KRT10: variants seen among roughly 807,000 people sequenced by gnomAD.
KRT10 encodes keratin 10, also known as keratin, type I cytoskeletal 10.
In KRT10, 40 loss-of-function variants were observed where a neutral mutation model predicts 59.2. The observed-to-expected ratio is 0.68, with a 90% CI of 0.52 to 0.88. The LOEUF is 0.88. Among genes scored for constraint, KRT10 ranks in the 40% least tolerant of loss-of-function variants. KRT10 has a pLI of 0.00. For missense variants in KRT10, 719 were observed against 749.1 expected, an observed-to-expected ratio of 0.96 and a Z score of 0.47; for synonymous variants, 336 against 310.7, an observed-to-expected ratio of 1.08 and a Z score of -0.86.
Position 40,819,742 on chromosome 17 carries a change from G to A in KRT10, c.1156-8C>T. 3 of 1,612,896 alleles carry A rather than the reference G, an allele frequency of 1.9e-6. No homozygotes were observed. Among genetic ancestry groups the A allele is most frequent in the Non-Finnish European group, 2.5e-6 (3 of 1,178,884 alleles). On this transcript the variant is annotated splice_region_variant and splice_polypyrimidine_tract_variant and intron_variant, in intron 5 of 7. Coordinates refer to ENST00000269576, the MANE Select transcript of KRT10 (RefSeq NM_000421.5). ...GGCTTCCAGGGATTGTTTCTGAAACGGATTTTTTTGTGGCTTAGTGACTTC... is the reference window on the plus strand; with the variant it reads ...GGCTTCCAGGGATTGTTTCTGAAACAGATTTTTTTGTGGCTTAGTGACTTC...
Position 40,818,830 on chromosome 17 carries a change from A to G in KRT10, c.1705T>C (p.Ser569Pro), listed in dbSNP as rs1259166661. The change falls in exon 7 of 8, where the codon TCC (serine) becomes CCC (proline). Residue 569 changes from serine to proline, a missense_variant. Transcript: ENST00000269576. ...GGSSSGGHKS[S>P]SSGSVGESSS... Reference sequence around the variant, plus strand: ...GACTCGCCCACGGACCCGGAAGAGGAGGACTTGTGGCCTCCGCTGGAGCTG... The same window carrying G: ...GACTCGCCCACGGACCCGGAAGAGGGGGACTTGTGGCCTCCGCTGGAGCTG... 8.2e-7 allele frequency: 1 copy of G among 1,217,334 alleles called. No homozygotes were observed. The highest frequency in any genetic ancestry group is 1.1e-6 in the Non-Finnish European group (1 of 901,966). 75.4% of individuals were successfully genotyped at this position (1,217,334 alleles called of 1,614,324 possible).
chr17:40,821,200 T>C lies in KRT10; in HGVS notation c.628-83A>G, dbSNP rs796405007. On this transcript the variant is annotated intron_variant, in intron 1 of 7. Coordinates refer to ENST00000269576, the MANE Select transcript of KRT10 (RefSeq NM_000421.5). ...GTGACATAGATGCACTCTGCACTTT[T>C]ATGTTGTTCTCTTACAAAATCTTGG... 80 of 991,208 alleles carry C rather than the reference T, an allele frequency of 8.1e-5. No homozygotes were observed. The African/African-American group carries it at 1.2e-3, about 15-fold the overall frequency. The allele number at this position is 991,208 out of a possible 1,614,324, so 61.4% of individuals were successfully genotyped here.
chr17:40,819,938 T>A, intron 5 of KRT10, 111 bp downstream of exon 5: 1 of 1,389,670 alleles, frequency 7.2e-7, no homozygotes, highest in African/African-American at 1.4e-5. Flanking sequence ...CTTCACTTTG[T>A]TTTCTCTTTC....
rs771762056 is a variant in KRT10, at chr17:40,818,921, G to C, written c.1614C>G (p.Gly538=). The change falls in exon 7 of 8, where the codon GGC becomes GGG. Residue 538 remains glycine, a synonymous_variant. Coordinates refer to ENST00000269576, the MANE Select transcript of KRT10 (RefSeq NM_000421.5). ...GGYGGGSSGG[G]GGGYGGGSSG... The stretch of plus-strand genomic sequence containing the variant: ...AGCTGCCGCCCCCGTAGCCGCCGCC[G>C]CCGCCGCCGGAACTGCCACCACCGT... 4 of 1,398,824 alleles carry C rather than the reference G, an allele frequency of 2.9e-6. No individual in the cohort carries two copies. The highest frequency in any genetic ancestry group is 1.5e-5 in the South Asian group (1 of 68,352). 86.7% of individuals were successfully genotyped at this position (1,398,824 alleles called of 1,614,324 possible). A position where few individuals can be genotyped will look rare whatever the true frequency, so the allele number is the denominator to read the frequency against.
Position 40,819,639 on chromosome 17 carries a change from C to G in KRT10, c.1251G>C (p.Gln417His). Residue 417 changes from glutamine (Q) to histidine (H), a missense_variant, in exon 6 of 8, where the codon CAG (glutamine) becomes CAC (histidine). Gln to His is a conservative substitution (Grantham distance 24). Transcript: ENST00000269576. ...CGGTTTCAGCTCGAATCTGTTGCAACTGTTCTTCCAGAGCGGATATCTGGG... is the reference window on the plus strand; with the variant it reads ...CGGTTTCAGCTCGAATCTGTTGCAAGTGTTCTTCCAGAGCGGATATCTGGG... ...IQAQISALEE[Q>H]LQQIRAETEC... 1 of 1,614,190 alleles carries G rather than the reference C, an allele frequency of 6.2e-7. No homozygotes were observed. The highest frequency in any genetic ancestry group is 8.5e-7 in the Non-Finnish European group (1 of 1,180,014).
chr17:40,819,637 A>G lies in KRT10; in HGVS notation c.1253T>C (p.Leu418Ser). 6.2e-7 allele frequency: 1 copy of G among 1,614,156 alleles called. No homozygotes were observed. The highest frequency in any genetic ancestry group is 8.5e-7 in the Non-Finnish European group (1 of 1,180,016). The stretch of plus-strand genomic sequence containing the variant: ...CTCGGTTTCAGCTCGAATCTGTTGC[A>G]ACTGTTCTTCCAGAGCGGATATCTG... ...QAQISALEEQLQQIRAETECQ... is the reference protein window; with the variant it reads ...QAQISALEEQSQQIRAETECQ... Residue 418 changes from leucine (L) to serine (S), a missense_variant, in exon 6 of 8, where the codon TTG becomes TCG. This residue lies in a region of KRT10 where 315 missense variants were observed against 270.6 expected (regional missense o/e 1.16). Transcript: ENST00000269576.
intron 5 of KRT10, 104 bp from the exon 6 acceptor site, chr17:40,819,838 G>T: frequency 1.7e-6 from 2 of 1,184,922 alleles, no homozygotes; most frequent in South Asian, 2.5e-5. Flanking sequence ...ATAAGAAAAT[G>T]AACAGAATTT....
Position 40,821,092 on chromosome 17 carries a change from G to A in KRT10, c.653C>T (p.Ala218Val), listed in dbSNP as rs200239146. 4.7e-5 allele frequency: 76 copies of A among 1,613,894 alleles called. No individual in the cohort carries two copies. In the East Asian group the frequency reaches 1.5e-3, roughly 33 times the overall value. ...NQILNLTTDN[A>V]NILLQIDNAR... is the part of the protein sequence containing the mutation. ...ATTGTCGATCTGAAGCAGGATGTTG[G>A]CATTATCAGTTGTTAGGTTGAGAAT... The change falls in exon 2 of 8, where the codon GCC becomes GTC. Residue 218 changes from alanine (A) to valine (V), a missense_variant. Ala to Val is a moderately conservative substitution (Grantham distance 64). Transcript: ENST00000269576.
chr17:40,822,272 C>T lies in KRT10; in HGVS notation c.314G>A (p.Gly105Asp). The T allele has an allele frequency of 6.2e-7, 1 of 1,602,218 alleles. No homozygotes were observed. Among genetic ancestry groups the T allele is most frequent in the Non-Finnish European group, 8.5e-7 (1 of 1,171,482 alleles). ...ACCAAAGCTGCCACCTCCGAAACTG[C>T]CCCCTCCAAAGATGCCTCCATAACT... ...GGSYGGIFGG[G>D]SFGGGSFGGG... Residue 105 changes from glycine (G) to aspartate (D), a missense_variant, in exon 1 of 8, where the codon GGC becomes GAC. Transcript: ENST00000269576.
Position 40,819,010 on chromosome 17 carries a change from AG to A in KRT10, c.1524del (p.Ser509ProfsTer110). ...CTTCCGCCCCCGTAGCCGCCGCCGG[AG>A]CTTCCGCCGCCGGAGCTTCCGCCTC... ...GYGGGSSGGG[S>X]SGGGYGGGSS... On this transcript the variant is annotated frameshift_variant, in exon 7 of 8. Transcript: ENST00000269576. LOFTEE classifies it high-confidence loss of function. The A allele has an allele frequency of 1.6e-6, 2 of 1,245,814 alleles. No individual in the cohort carries two copies. Among genetic ancestry groups the A allele is most frequent in the East Asian group, 9.1e-5 (2 of 22,030 alleles). 77.2% of individuals were successfully genotyped at this position (1,245,814 alleles called of 1,614,324 possible).
rs755977583 is a variant in KRT10 at position 40,821,964 on chromosome 17, T to A, written c.622A>T (p.Asn208Tyr). 14 of 1,613,932 alleles carry A rather than the reference T, an allele frequency of 8.7e-6. 1 individual carries two copies. In the South Asian group the frequency reaches 1.5e-4, roughly 18 times the overall value. ...KYYKTIDDLK[N>Y]QILNLTTDNA... is the part of the protein sequence containing the mutation. ...GATTTAAAAATACCTCTTACCTGAT[T>A]TTTAAGGTCATCGATGGTTTTGTAG... Residue 208 changes from asparagine to tyrosine, a missense_variant, in exon 1 of 8, where the codon AAT becomes TAT. Physicochemically the swap from Asn to Tyr is moderately radical, Grantham distance 143. Around this residue, in one of 4 missense-constraint regions of KRT10, gnomAD observed 221 missense variants for 277.8 expected, o/e 0.80. Coordinates refer to ENST00000269576, the MANE Select transcript of KRT10 (RefSeq NM_000421.5).
intron 5 of KRT10, 58 bp from the exon 6 acceptor site, chr17:40,819,792 C>T (rs1905263656): frequency 1.4e-6 from 2 of 1,415,304 alleles, no homozygotes; most frequent in African/African-American, 1.4e-5. Context: ...TATGGTGACG[C>T]TTATTTGATT....
Position 40,822,537 on chromosome 17 carries a change from C to CACT in KRT10, c.46_48dup (p.Ser16dup). Reference sequence around the variant, plus strand: ...CATCCTCCTCCTCCTCCTCCTCCTCCACTGCGGGAGGAAGAGTAGTGCTTG... The same window carrying CACT: ...CATCCTCCTCCTCCTCCTCCTCCTCCACTACTGCGGGAGGAAGAGTAGTGCTTG... On this transcript the variant is annotated inframe_insertion, in exon 1 of 8. Coordinates refer to ENST00000269576, the MANE Select transcript of KRT10 (RefSeq NM_000421.5). The CACT allele has an allele frequency of 6.2e-7, 1 of 1,608,060 alleles. No individual in the cohort carries two copies. Among genetic ancestry groups the CACT allele is most frequent in the Admixed American group, 1.7e-5 (1 of 60,000 alleles).
chr17:40,820,918 A>G (rs765957777), intron 2 of KRT10, 117 bp downstream of exon 2: 26 of 961,850 alleles, frequency 2.7e-5, no homozygotes, highest in Non-Finnish European at 3.3e-5. Flanking sequence ...CTCCAATACT[A>G]TTTAACTTTG....
chr17:40,820,055 C>T lies in KRT10; in HGVS notation c.1149G>A (p.Leu383=), dbSNP rs760198943. The T allele has an allele frequency of 1.9e-6, 3 of 1,612,644 alleles. No homozygotes were observed. The Admixed American group carries it at 5.0e-5, about 27-fold the overall frequency. Residue 383 remains leucine, a synonymous_variant, in exon 5 of 8, where the codon CTG becomes CTA. Coordinates refer to ENST00000269576, the MANE Select transcript of KRT10 (RefSeq NM_000421.5). The stretch of plus-strand genomic sequence containing the variant: ...TTCATGAGAGTTAACATACCAAGGC[C>T]AGTTGGGACTGTAGTTCTATCTCCA... ...QALEIELQSQ[L]ALKQSLEASL...
chr17:40,818,355 A>T lies in KRT10; in HGVS notation c.*121T>A. On this transcript the variant is annotated 3_prime_UTR_variant, in exon 8 of 8. Coordinates refer to ENST00000269576, the MANE Select transcript of KRT10 (RefSeq NM_000421.5). ...TAAATAATGGTCTGTGTGAAGGGAGACTCTTTCCTCTTGATGCAGTTTAAT... is the reference window on the plus strand; with the variant it reads ...TAAATAATGGTCTGTGTGAAGGGAGTCTCTTTCCTCTTGATGCAGTTTAAT... 7.5e-7 allele frequency: 1 copy of T among 1,337,382 alleles called. No homozygotes were observed. The highest frequency in any genetic ancestry group is 1.1e-6 in the Non-Finnish European group (1 of 942,000). 82.8% of individuals were successfully genotyped at this position (1,337,382 alleles called of 1,614,324 possible). A position where few individuals can be genotyped will look rare whatever the true frequency, so the allele number is the denominator to read the frequency against.
rs1255689324 is a variant in KRT10, at chr17:40,821,908, C to T, written c.627+51G>A. The T allele has an allele frequency of 1.9e-6, 3 of 1,583,008 alleles. No homozygotes were observed. In the East Asian group the frequency reaches 6.7e-5, roughly 35 times the overall value. On this transcript the variant is annotated intron_variant, in intron 1 of 7. Coordinates refer to ENST00000269576, the MANE Select transcript of KRT10 (RefSeq NM_000421.5). ...TGTGCTTAATTTAAGATTCATCTGT[C>T]TGGATTACATGGACAAGATACTTAA...
At position 40,819,207 on chromosome 17, in the gene KRT10, C is replaced by G. The variant is rs745531866; in HGVS notation, c.1374-46G>C. The G allele has an allele frequency of 1.9e-6, 3 of 1,593,294 alleles. No homozygotes were observed. The South Asian group carries it at 3.3e-5, about 18-fold the overall frequency. On this transcript the variant is annotated intron_variant, in intron 6 of 7. Transcript: ENST00000269576. The stretch of plus-strand genomic sequence containing the variant: ...TTCGGTTATCTCTAACGTTGGAAAA[C>G]GGTGGGTAGCTTTCCAGTTGCCGTT...
chr17:40,818,958 G>C lies in KRT10; in HGVS notation c.1577C>G (p.Ser526Cys). Reference sequence around the variant, plus strand: ...ACTGCCACCACCGTAGCCGCCGCTGGAACTGCCGCCGTGGCCGCCGCTGGA... The same window carrying C: ...ACTGCCACCACCGTAGCCGCCGCTGCAACTGCCGCCGTGGCCGCCGCTGGA... ...GSSSGGHGGS[S>C]SGGYGGGSSG... is the part of the protein sequence containing the mutation. Residue 526 changes from serine to cysteine, a missense_variant, in exon 7 of 8, where the codon TCC becomes TGC. Ser to Cys is a moderately radical substitution (Grantham distance 112). Coordinates refer to ENST00000269576, the MANE Select transcript of KRT10 (RefSeq NM_000421.5). The C allele has an allele frequency of 3.0e-6, 4 of 1,314,526 alleles. No homozygotes were observed. Among genetic ancestry groups the C allele is most frequent in the Non-Finnish European group, 3.8e-6 (4 of 1,039,260 alleles). The allele number at this position is 1,314,526 out of a possible 1,614,324, so 81.4% of individuals were successfully genotyped here.
Sources: allele counts gnomAD v4.1 joint callset, GRCh38; gene constraint gnomAD v4.1.1; regional missense constraint gnomAD v4.1.1; transcripts MANE v1.5; gene names NCBI Gene and HGNC (gene_info 2026-07-23, HGNC 2026-07-21).